MDGA2: variants seen among roughly 807,000 people sequenced by gnomAD.
The protein encoded by MDGA2 is MAM domain-containing glycosylphosphatidylinositol anchor protein 2.
MDGA2 carries 40 observed loss-of-function variants against 117.8 expected under a neutral mutation model. The ratio of observed to expected loss-of-function variants is 0.34; its 90% CI spans 0.26 to 0.44. The LOEUF is 0.44. MDGA2 is among the 20% of genes least tolerant of loss of function. MDGA2 has a pLI of 1.00. For missense variants in MDGA2, 1,123 were observed against 1,250.6 expected (o/e 0.90, Z 1.54); for synonymous variants, 452 against 439.0 (o/e 1.03, Z -0.37).
At chr14:47,353,318 G>C (rs1890923807) in intron 1 of MDGA2, among the ~76,000 whole-genome samples, 1 of 152,156 alleles carries the variant, frequency 6.6e-6, no homozygotes, top group Admixed American at 6.5e-5. Context: ...AGATAGCTTT[G>C]CTTGAATGAG....
intron 2 of MDGA2, among the ~76,000 whole-genome samples, chr14:47,275,395 C>T (rs891846504): frequency 1.2e-4 from 18 of 152,068 alleles, no homozygotes; most frequent in African/African-American, 3.9e-4. Flanking sequence ...ACAGGTTAAG[C>T]TCAGTTGAAA....
At chr14:47,374,282 G>GA (rs1375667998) in intron 1 of MDGA2, among the ~76,000 whole-genome samples, 1 of 152,046 alleles carries the variant, frequency 6.6e-6, no homozygotes, top group African/African-American at 2.4e-5. Flanking sequence ...TCTCATTTAA[G>GA]AGAAGTCCTG....
intron 1 of MDGA2, among the ~76,000 whole-genome samples, chr14:47,528,204 T>C (rs534177792): frequency 1.5e-4 from 23 of 152,284 alleles, no homozygotes; most frequent in African/African-American, 5.1e-4. Flanking sequence ...TAGAAGCCTT[T>C]CTCCTGTACC....
rs978009284 is a variant in MDGA2, at chr14:47,059,522, T to C, written c.1525+1727A>G. On this transcript the variant is annotated intron_variant, in intron 7 of 16. Coordinates refer to ENST00000399232, the MANE Select transcript of MDGA2 (RefSeq NM_001113498.3). Reference sequence around the variant, plus strand: ...TGGTCATCTTTACTATTTTGTCATATATAACACATAGTTTCAAACAGGCAA... The same window carrying C: ...TGGTCATCTTTACTATTTTGTCATACATAACACATAGTTTCAAACAGGCAA... The C allele has an allele frequency of 2.0e-5, 7 of 358,006 alleles. No homozygotes were observed. In the Admixed American group the frequency reaches 2.3e-4, roughly 12 times the overall value. The allele number at this position is 358,006 out of a possible 1,614,324, so 22.2% of individuals were successfully genotyped here.
intron 4 of MDGA2, among the ~76,000 whole-genome samples, chr14:47,134,076 AATTAACAT>A (rs1882338572): frequency 6.6e-6 from 1 of 152,106 alleles, no homozygotes; most frequent in Non-Finnish European, 1.5e-5. Context: ...CAATCGAGCT[AATTAACAT>A]ATACATAACC....
At chr14:46,873,332 C>G in intron 14 of MDGA2, 101 bp downstream of exon 14, 2 of 1,048,804 alleles carry the variant, frequency 1.9e-6, no homozygotes, top group Non-Finnish European at 2.6e-6. Flanking sequence ...TGAATTATAG[C>G]ATTCTTTGAC....
intron 14 of MDGA2, among the ~76,000 whole-genome samples, chr14:46,867,060 A>AT (rs1881797516): frequency 6.6e-6 from 1 of 152,182 alleles, no homozygotes; most frequent in Non-Finnish European, 1.5e-5. Flanking sequence ...TCAAAGGACT[A>AT]TAAATCATGC....
At chr14:47,307,589 G>T (rs1269284743) in intron 1 of MDGA2, among the ~76,000 whole-genome samples, 1 of 152,030 alleles carries the variant, frequency 6.6e-6, no homozygotes, top group Non-Finnish European at 1.5e-5. Context: ...GCTGAAGCAG[G>T]AGAATTGCTT....
rs1427414234 is a variant in MDGA2 at position 47,035,169 on chromosome 14, G to A, written c.1661C>T (p.Ala554Val). ...CATTTGCATTGATCCATCAGGCATT[G>A]CAACTTCTTTATCCGCTCTAGACCA... Reference protein sequence around the residue: ...ILWSRADKEVAMPDGSMQMES... With the variant: ...ILWSRADKEVVMPDGSMQMES... The change falls in exon 8 of 17, where the codon GCA becomes GTA. Residue 554 changes from alanine (A) to valine (V), a missense_variant. Coordinates refer to ENST00000399232, the MANE Select transcript of MDGA2 (RefSeq NM_001113498.3). The A allele has an allele frequency of 6.2e-7, 1 of 1,614,102 alleles. No homozygotes were observed. The highest frequency in any genetic ancestry group is 8.5e-7 in the Non-Finnish European group (1 of 1,180,020).
At chr14:47,177,840 A>T (rs1884538425) in intron 3 of MDGA2, among the ~76,000 whole-genome samples, 1 of 152,098 alleles carries the variant, frequency 6.6e-6, no homozygotes, top group Non-Finnish European at 1.5e-5. Flanking sequence ...TTTTATGTTA[A>T]TTTATTATAT....
chr14:47,339,051 C>G (rs2139938658), intron 1 of MDGA2, among the ~76,000 whole-genome samples: 1 of 152,154 alleles, frequency 6.6e-6, no homozygotes, highest in East Asian at 1.9e-4. Flanking sequence ...CTATTTTATA[C>G]TGATTGAAAT....
intron 10 of MDGA2, among the ~76,000 whole-genome samples, chr14:46,912,493 C>T (rs184520441): frequency 1.1e-4 from 16 of 152,228 alleles, no homozygotes; most frequent in African/African-American, 2.4e-4. Flanking sequence ...ATCTGGATAA[C>T]GGTTTTATGC....
At chr14:47,343,284 G>T (rs1333419833) in intron 1 of MDGA2, 6 of 1,130,998 alleles carry the variant, frequency 5.3e-6, no homozygotes, top group Non-Finnish European at 6.6e-6. Flanking sequence ...GGAAGGCAAT[G>T]TTAACTAAGT....
chr14:47,614,447 G>A (rs529420985), intron 1 of MDGA2, among the ~76,000 whole-genome samples: 1 of 152,070 alleles, frequency 6.6e-6, no homozygotes, highest in Non-Finnish European at 1.5e-5. Context: ...CAGTTTTATA[G>A]AGCAGAAGCC....
intron 3 of MDGA2, among the ~76,000 whole-genome samples, chr14:47,155,918 T>G (rs1360711057): frequency 2.8e-5 from 2 of 72,532 alleles, no homozygotes; most frequent in Non-Finnish European, 5.5e-5. Flanking sequence ...TTTTTTTTTT[T>G]TTTTTTTTTT....
intron 2 of MDGA2, among the ~76,000 whole-genome samples, chr14:47,284,685 C>G (rs1412158096): frequency 5.3e-5 from 8 of 152,218 alleles, no homozygotes; most frequent in African/African-American, 1.2e-4. Flanking sequence ...CATCTCTAAT[C>G]TACTCCATTA....
chr14:47,459,700 G>A (rs1291301235), intron 1 of MDGA2, among the ~76,000 whole-genome samples: 1 of 151,850 alleles, frequency 6.6e-6, no homozygotes, highest in Non-Finnish European at 1.5e-5. Context: ...CATATTGAAA[G>A]GAAAACTTCA....
intron 2 of MDGA2, among the ~76,000 whole-genome samples, chr14:47,285,730 T>C (rs1382262125): frequency 1.3e-5 from 2 of 152,154 alleles, no homozygotes; most frequent in African/African-American, 2.4e-5. Context: ...TTGAGGTATA[T>C]GGCTTCCAAC....
At chr14:46,955,628 T>A (rs981869444) in intron 9 of MDGA2, among the ~76,000 whole-genome samples, 3 of 151,920 alleles carry the variant, frequency 2.0e-5, no homozygotes, top group South Asian at 4.1e-4. Flanking sequence ...ATCATAAACA[T>A]AGAATTTTAA....
Sources: allele counts gnomAD v4.1 joint callset (sites outside exome capture counted in the v4.1 genomes callset), GRCh38; gene constraint gnomAD v4.1.1; transcripts MANE v1.5; gene names NCBI Gene and HGNC (gene_info 2026-07-23, HGNC 2026-07-21).